Variants in ERC1 observed in about 807,000 individuals in gnomAD.
ERC1 encodes RAB6 interacting protein 2.
In ERC1, 56 loss-of-function variants were observed where a neutral mutation model predicts 132.0. That is an observed-to-expected ratio of 0.42 (90% CI 0.34 to 0.53). ERC1 has a LOEUF of 0.53. Among genes scored for constraint, ERC1 ranks in the 20% least tolerant of loss-of-function variants. ERC1 has a pLI of 0.03. For synonymous variants in ERC1, 478 were observed against 476.1 expected (o/e 1.00, Z -0.05); for missense variants, 1,202 against 1,349.9 (o/e 0.89, Z 1.72).
chr12:1,191,125 C>T (rs546501353), intron 12 of ERC1, among the ~76,000 whole-genome samples: 15 of 152,204 alleles, frequency 9.9e-5, no homozygotes, highest in African/African-American at 3.6e-4. Flanking sequence ...GGGCTGATTA[C>T]CTGCTCACTT....
intron 14 of ERC1, among the ~76,000 whole-genome samples, chr12:1,272,452 C>A (rs1051190555): frequency 5.3e-5 from 8 of 152,174 alleles, no homozygotes; most frequent in African/African-American, 1.9e-4. Context: ...CAAGGAAATT[C>A]TTGTCCTCTC....
chr12:1,305,747 T>G (rs2080834244), intron 15 of ERC1, among the ~76,000 whole-genome samples: 1 of 152,224 alleles, frequency 6.6e-6, no homozygotes, highest in Admixed American at 6.5e-5. Flanking sequence ...GATTTTTTTC[T>G]CCTTCTCTCC....
rs201143939 is a variant in ERC1, at chr12:1,024,842, GAAA to G, written c.-156-2893_-156-2891del. 4.1e-5 allele frequency among the ~76,000 whole-genome samples: 3 copies of G among 72,506 alleles called. No individual in the cohort carries two copies. The South Asian group carries it at 1.3e-3, about 31-fold the overall frequency. 47.6% of individuals were successfully genotyped at this position (72,506 alleles called of 152,430 possible). On this transcript the variant is annotated intron_variant, in intron 1 of 18. Transcript: ENST00000360905. ...TAAAGTCACCTTGAAAAAAAAAGTG[GAAA>G]AAAAAAAAAAAAGAAAATACTTGGG...
intron 18 of ERC1, among the ~76,000 whole-genome samples, chr12:1,489,099 T>C (rs2094287785): frequency 6.6e-6 from 1 of 152,204 alleles, no homozygotes; most frequent in South Asian, 2.1e-4. Context: ...GGCCCTCGCG[T>C]GTGTTTTCAG....
intron 16 of ERC1, among the ~76,000 whole-genome samples, chr12:1,389,444 A>G (rs957633122): frequency 2.0e-5 from 3 of 152,314 alleles, no homozygotes; most frequent in African/African-American, 4.8e-5. Context: ...AACACAGGCC[A>G]TTCTTTTCAT....
chr12:1,166,444 A>G (rs1952438904), intron 8 of ERC1, among the ~76,000 whole-genome samples: 1 of 152,116 alleles, frequency 6.6e-6, no homozygotes, highest in Non-Finnish European at 1.5e-5. Flanking sequence ...AGTCTCAGAT[A>G]TGTCTTTATC....
chr12:1,128,616 T>C (rs1948441423), intron 7 of ERC1, among the ~76,000 whole-genome samples: 1 of 152,152 alleles, frequency 6.6e-6, no homozygotes, highest in Admixed American at 6.5e-5. Context: ...GCCTCAGTTT[T>C]CTCATCTGTG....
intron 7 of ERC1, among the ~76,000 whole-genome samples, chr12:1,117,401 A>G (rs1031517414): frequency 3.9e-5 from 6 of 152,204 alleles, no homozygotes; most frequent in Admixed American, 2.6e-4. Flanking sequence ...TTTTTCTTAT[A>G]ACTTACACTT....
chr12:1,039,863 T>A (rs1592874800), intron 2 of ERC1, among the ~76,000 whole-genome samples: 1 of 152,168 alleles, frequency 6.6e-6, no homozygotes, highest in Non-Finnish European at 1.5e-5. Flanking sequence ...GAGTAAGAAG[T>A]GGAGAGGGAG....
intron 13 of ERC1, among the ~76,000 whole-genome samples, chr12:1,253,474 C>G (rs929951080): frequency 1.3e-5 from 2 of 151,986 alleles, no homozygotes; most frequent in African/African-American, 4.8e-5. Context: ...GTCAGGAGTT[C>G]GAGACTAGCC....
chr12:1,181,975 G>C lies in ERC1; in HGVS notation c.1926G>C (p.Glu642Asp), dbSNP rs1297997780. 2 of 1,614,052 alleles carry C rather than the reference G, an allele frequency of 1.2e-6. No individual in the cohort carries two copies. Among genetic ancestry groups the C allele is most frequent in the Non-Finnish European group, 8.5e-7 (1 of 1,179,960 alleles). ...AGCAGAGGGACAGAGATGAGCGAGA[G>C]AAGCAAGAGGAAATTGATAACTACA... ...LKEQRDRDER[E>D]KQEEIDNYKK... is the part of the protein sequence containing the mutation. The change falls in exon 10 of 19, where the codon GAG becomes GAC. Residue 642 changes from glutamate to aspartate, a missense_variant. Transcript: ENST00000360905.
At chr12:1,437,609 G>A (rs970099153) in intron 17 of ERC1, among the ~76,000 whole-genome samples, 4 of 152,222 alleles carry the variant, frequency 2.6e-5, no homozygotes, top group African/African-American at 9.6e-5. Context: ...GATGTTAACT[G>A]AATGAAGATT....
intron 18 of ERC1, among the ~76,000 whole-genome samples, chr12:1,479,727 G>A (rs977291951): frequency 2.6e-5 from 4 of 152,160 alleles, no homozygotes; most frequent in African/African-American, 9.7e-5. Flanking sequence ...GTTCACTGAA[G>A]GGACAGAGAC....
At chr12:1,138,072 T>TAA (rs1949456765) in intron 7 of ERC1, among the ~76,000 whole-genome samples, 2 of 129,504 alleles carry the variant, frequency 1.5e-5, no homozygotes, top group Non-Finnish European at 1.6e-5. Flanking sequence ...ATATATTGTT[T>TAA]TATATTATAT....
chr12:1,304,764 CTGTT>C (rs2080710449), intron 15 of ERC1, among the ~76,000 whole-genome samples: 1 of 106,284 alleles, frequency 9.4e-6, no homozygotes, highest in Non-Finnish European at 2.0e-5. Context: ...GTGAAGTCTT[CTGTT>C]TGTTGTAACT....
intron 13 of ERC1, among the ~76,000 whole-genome samples, chr12:1,260,047 C>CT: frequency 6.6e-6 from 1 of 152,254 alleles, no homozygotes; most frequent in Non-Finnish European, 1.5e-5. Context: ...TGGTAGAGCT[C>CT]TTTTTTCTGG....
At position 1,116,201 on chromosome 12, in the gene ERC1, AGTT is replaced by A. The variant is rs1355244546; in HGVS notation, c.1569+172_1569+174del. 13 of 549,214 alleles carry A rather than the reference AGTT, an allele frequency of 2.4e-5. No homozygotes were observed. The Admixed American group carries it at 4.8e-4, about 20-fold the overall frequency. The allele number at this position is 549,214 out of a possible 1,614,324, so 34.0% of individuals were successfully genotyped here. On this transcript the variant is annotated intron_variant, in intron 7 of 18. Coordinates refer to ENST00000360905, the MANE Select transcript of ERC1 (RefSeq NM_178040.4). The stretch of plus-strand genomic sequence containing the variant: ...TGCTAAAATGTAACCATCTTATTTC[AGTT>A]GTTCTTAGATCTAACAAGTTAAAAC...
At position 1,425,779 on chromosome 12, in the gene ERC1, G is replaced by A. The variant is rs537591672; in HGVS notation, c.3024+17532G>A. 3.9e-5 allele frequency among the ~76,000 whole-genome samples: 6 copies of A among 152,244 alleles called. No homozygotes were observed. In the East Asian group the frequency reaches 1.2e-3, roughly 29 times the overall value. ...ATTAAATTCCTCAAGGTTCAGATAT[G>A]TCTGTTTTTCTGCGTAACATGAATT... is the stretch of plus-strand genomic sequence containing the variant. On this transcript the variant is annotated intron_variant, in intron 17 of 18. Coordinates refer to ENST00000360905, the MANE Select transcript of ERC1 (RefSeq NM_178040.4).
Position 1,322,807 on chromosome 12 carries a change from C to T in ERC1, c.2780+32795C>T, listed in dbSNP as rs79506516. 9.7e-3 allele frequency among the ~76,000 whole-genome samples: 1,479 copies of T among 152,202 alleles called. 23 individuals carry two copies. The highest frequency in any genetic ancestry group is 0.033 in the African/African-American group (1,381 of 41,514). ...TTAACTTGGTTCTCCAGCCTGGCGA[C>T]CTTAATTTGTCCATTTTAGAACAGC... On this transcript the variant is annotated intron_variant, in intron 15 of 18. Coordinates refer to ENST00000360905, the MANE Select transcript of ERC1 (RefSeq NM_178040.4).
Sources: gnomAD v4.1 joint callset for allele counts (sites outside exome capture counted in the v4.1 genomes callset) on GRCh38, gnomAD v4.1.1 for gene constraint, MANE v1.5 for transcripts, NCBI Gene and HGNC (gene_info 2026-07-23, HGNC 2026-07-21) for gene names.